Variants in CCDC102A observed in about 807,000 individuals in gnomAD.
CCDC102A encodes coiled-coil domain-containing protein 102A.
CCDC102A carries 40 observed loss-of-function variants against 55.5 expected under a neutral mutation model. That is an observed-to-expected ratio of 0.72 (90% CI 0.56 to 0.94). CCDC102A has a LOEUF of 0.94. Among genes scored for constraint, CCDC102A ranks in the 40% least tolerant of loss-of-function variants. CCDC102A has a pLI of 0.00. For missense variants in CCDC102A, 779 were observed against 768.6 expected (o/e 1.01, Z -0.16); for synonymous variants, 323 against 339.0 (o/e 0.95, Z 0.52).
At position 57,515,327 on chromosome 16, in the gene CCDC102A, T is replaced by G. The variant is rs1245429468; in HGVS notation, c.1523+14A>C. 5.9e-6 allele frequency: 9 copies of G among 1,525,484 alleles called. No homozygotes were observed. Among genetic ancestry groups the G allele is most frequent in the Non-Finnish European group, 8.1e-6 (9 of 1,114,474 alleles). The allele number at this position is 1,525,484 out of a possible 1,614,324, so 94.5% of individuals were successfully genotyped here. A position where few individuals can be genotyped will look rare whatever the true frequency, so the allele number is the denominator to read the frequency against. Reference sequence around the variant, plus strand: ...AAGTCTCTGCCCTGTTTCTGTTCCCTGCCCGGGGCCCACCTGGACTGCAGG... The same window carrying G: ...AAGTCTCTGCCCTGTTTCTGTTCCCGGCCCGGGGCCCACCTGGACTGCAGG... On this transcript the variant is annotated intron_variant, in intron 8 of 8. Transcript: ENST00000258214.
intron 3 of CCDC102A, among the ~76,000 whole-genome samples, chr16:57,525,394 C>T: frequency 6.6e-6 from 1 of 152,228 alleles, no homozygotes; most frequent in East Asian, 1.9e-4. Context: ...AGCCACTGCG[C>T]CTGGCCCAGC....
chr16:57,529,027 G>A lies in CCDC102A; in HGVS notation c.151C>T (p.Pro51Ser), dbSNP rs1316437191. ...GGGGGCAGGGGCAGTGCGGGCGGCG[G>A]CCCGGGCGAGGGCGTGCCGCTGGGC... ...TPPSGTPSPG[P>S]PPALPLPPAP... Residue 51 changes from proline to serine, a missense_variant, in exon 2 of 9, where the codon CCG becomes TCG. By Grantham distance (74) the Pro-to-Ser change is moderately conservative. Coordinates refer to ENST00000258214, the MANE Select transcript of CCDC102A (RefSeq NM_033212.4). This position sits in a 1 kb window ranked among gnomAD's most constrained non-coding sequence, Gnocchi z 4.1. The A allele has an allele frequency of 2.7e-6, 3 of 1,104,254 alleles. No homozygotes were observed. The highest frequency in any genetic ancestry group is 1.7e-5 in the African/African-American group (1 of 58,836). The allele number at this position is 1,104,254 out of a possible 1,614,324, so 68.4% of individuals were successfully genotyped here.
At chr16:57,517,381 C>G (rs1305407890) in intron 6 of CCDC102A, among the ~76,000 whole-genome samples, 1 of 152,182 alleles carries the variant, frequency 6.6e-6, no homozygotes, top group Non-Finnish European at 1.5e-5. Flanking sequence ...CGGAGTTTCT[C>G]TGTCACCCAG....
At chr16:57,536,232 C>T (rs1454846399) in intron 1 of CCDC102A, among the ~76,000 whole-genome samples, 1 of 151,942 alleles carries the variant, frequency 6.6e-6, no homozygotes, top group Non-Finnish European at 1.5e-5. Flanking sequence ...CGGCCCGGGC[C>T]GCGGCATTCC....
At chr16:57,528,284 C>T (rs2032177016) in intron 2 of CCDC102A, among the ~76,000 whole-genome samples, 1 of 152,234 alleles carries the variant, frequency 6.6e-6, no homozygotes, top group African/African-American at 2.4e-5. Flanking sequence ...ATGGATTCGG[C>T]TCTGCTACGA....
In CCDC102A at chr16:57,528,679, C is replaced by T. The variant is rs1337848776; in HGVS notation, c.499G>A (p.Ala167Thr). The T allele has an allele frequency of 6.2e-6, 7 of 1,130,522 alleles. No homozygotes were observed. Among genetic ancestry groups the T allele is most frequent in the Non-Finnish European group, 7.6e-6 (7 of 919,412 alleles). The allele number at this position is 1,130,522 out of a possible 1,614,324, so 70.0% of individuals were successfully genotyped here. A position where few individuals can be genotyped will look rare whatever the true frequency, so the allele number is the denominator to read the frequency against. Residue 167 changes from alanine (A) to threonine (T), a missense_variant, in exon 2 of 9, where the codon GCC becomes ACC. Ala to Thr is a moderately conservative substitution (Grantham distance 58). Transcript: ENST00000258214. Reference sequence around the variant, plus strand: ...TCGGGGCCGTCGCGCGTCTGGTCGGCGACCCCCCGGGCGCCCCTCAGCCGC... The same window carrying T: ...TCGGGGCCGTCGCGCGTCTGGTCGGTGACCCCCCGGGCGCCCCTCAGCCGC... ...LARLRGARGV[A>T]DQTRDGPEPE...
intron 6 of CCDC102A, among the ~76,000 whole-genome samples, chr16:57,517,130 C>T (rs2031969214): frequency 6.6e-6 from 1 of 152,106 alleles, no homozygotes; most frequent in East Asian, 1.9e-4. Flanking sequence ...ACACTCCCCT[C>T]CTGCTTTAAA....
intron 3 of CCDC102A, among the ~76,000 whole-genome samples, chr16:57,525,363 A>G (rs1475608148): frequency 2.0e-5 from 3 of 152,168 alleles, no homozygotes; most frequent in African/African-American, 7.2e-5. Context: ...GGCCTCCCAA[A>G]GTGCTGGGAT....
rs1243098253 is a variant in CCDC102A, at chr16:57,516,847, G to A, written c.1249-384C>T. Among the ~76,000 whole-genome samples, 2 of 152,136 alleles carry A rather than the reference G, an allele frequency of 1.3e-5. No homozygotes were observed. Among genetic ancestry groups the A allele is most frequent in the East Asian group, 1.9e-4 (1 of 5,198 alleles). ...TGGGAATGAGCTAGGCTGGGGAATG[G>A]GTGGGTGTCTCAGAGCCCAGAGTGG... On this transcript the variant is annotated intron_variant, in intron 6 of 8. Transcript: ENST00000258214. This position sits in a 1 kb window ranked among gnomAD's most constrained non-coding sequence, Gnocchi z 4.4.
intron 2 of CCDC102A, among the ~76,000 whole-genome samples, chr16:57,527,936 GC>G (rs1372706609): frequency 1.3e-5 from 2 of 152,150 alleles, no homozygotes; most frequent in African/African-American, 4.8e-5. Context: ...CAGCTGGAAT[GC>G]CTTCGGGCAC....
chr16:57,534,661 T>C (rs1186421586), intron 1 of CCDC102A, among the ~76,000 whole-genome samples: 1 of 152,068 alleles, frequency 6.6e-6, no homozygotes, highest in Non-Finnish European at 1.5e-5. Flanking sequence ...GCGTGATGGA[T>C]GGAAGGTACC....
chr16:57,518,190 T>C lies in CCDC102A; in HGVS notation c.1126A>G (p.Lys376Glu). 1 of 1,612,502 alleles carries C rather than the reference T, an allele frequency of 6.2e-7. No individual in the cohort carries two copies. The highest frequency in any genetic ancestry group is 8.5e-7 in the Non-Finnish European group (1 of 1,179,696). The change falls in exon 6 of 9, where the codon AAG (lysine) becomes GAG (glutamate). Residue 376 changes from lysine to glutamate, a missense_variant. Physicochemically the swap from Lys to Glu is moderately conservative, Grantham distance 56. Transcript: ENST00000258214. Reference protein sequence around the residue: ...TEKLGLERENKKLRAQVGDLE... With the variant: ...TEKLGLERENEKLRAQVGDLE... ...TCTCCGACCTGTGCCCGCAGCTTCT[T>C]GTTCTCCCGCTCAAGGCCCAGTTTC...
chr16:57,518,868 A>G (rs1353130469), intron 4 of CCDC102A, 127 bp from the exon 5 acceptor site: 2 of 671,762 alleles, frequency 3.0e-6, no homozygotes, highest in Non-Finnish European at 5.3e-6. Flanking sequence ...TGGGGCAGGC[A>G]CCAGGTATTC....
In CCDC102A at chr16:57,516,309, G is replaced by A. The variant is rs761795556; in HGVS notation, c.1403C>T (p.Ala468Val). 7 of 1,605,508 alleles carry A rather than the reference G, an allele frequency of 4.4e-6. No individual in the cohort carries two copies. The East Asian group carries it at 1.3e-4, about 31-fold the overall frequency. Reference protein sequence around the residue: ...LRVEELKKELAQAEDELDEAH... With the variant: ...LRVEELKKELVQAEDELDEAH... The stretch of plus-strand genomic sequence containing the variant: ...GGTCCTCACCTCGTCCTCAGCCTGG[G>A]CCAGCTCCTTCTTGAGCTCCTCCAC... The change falls in exon 7 of 9, where the codon GCC becomes GTC. Residue 468 changes from alanine (A) to valine (V), a missense_variant. By Grantham distance (64) the Ala-to-Val change is moderately conservative. Transcript: ENST00000258214. The surrounding 1 kb of genome is among the most constrained non-coding windows in gnomAD (Gnocchi z 4.4).
chr16:57,515,274 G>T, intron 8 of CCDC102A, 67 bp downstream of exon 8: 1 of 1,019,240 alleles, frequency 9.8e-7, no homozygotes, highest in Non-Finnish European at 1.5e-6. Flanking sequence ...TTTGGGCTCC[G>T]TCCCTGACCG....
In CCDC102A at chr16:57,518,217, C is replaced by T. The variant is rs1158617562; in HGVS notation, c.1099G>A (p.Glu367Lys). 6.2e-7 allele frequency: 1 copy of T among 1,612,346 alleles called. No individual in the cohort carries two copies. Among genetic ancestry groups the T allele is most frequent in the African/African-American group, 1.3e-5 (1 of 74,956 alleles). Residue 367 changes from glutamate to lysine, a missense_variant, in exon 6 of 9, where the codon GAG (glutamate) becomes AAG (lysine). Coordinates refer to ENST00000258214, the MANE Select transcript of CCDC102A (RefSeq NM_033212.4). ...EWGRRERLETEKLGLERENKK... is the reference protein window; with the variant it reads ...EWGRRERLETKKLGLERENKK... ...TTCTCCCGCTCAAGGCCCAGTTTCT[C>T]TGTCTCCAGCCGCTCCCGGCGGCCC...
In CCDC102A at chr16:57,515,321, G is replaced by A; in HGVS notation, c.1523+20C>T. The A allele has an allele frequency of 6.8e-7, 1 of 1,479,764 alleles. No homozygotes were observed. The highest frequency in any genetic ancestry group is 2.3e-5 in the East Asian group (1 of 42,986). 91.7% of individuals were successfully genotyped at this position (1,479,764 alleles called of 1,614,324 possible). ...GGCTGGAAGTCTCTGCCCTGTTTCTGTTCCCTGCCCGGGGCCCACCTGGAC... is the reference window on the plus strand; with the variant it reads ...GGCTGGAAGTCTCTGCCCTGTTTCTATTCCCTGCCCGGGGCCCACCTGGAC... On this transcript the variant is annotated intron_variant, in intron 8 of 8. Coordinates refer to ENST00000258214, the MANE Select transcript of CCDC102A (RefSeq NM_033212.4).
chr16:57,525,928 G>A lies in CCDC102A; in HGVS notation c.785C>T (p.Ser262Phe). The stretch of plus-strand genomic sequence containing the variant: ...TCGCTCCTTGAGCAGCACCTTCTGG[G>A]ACTCATCCAGCCGTAGCCGCAGGGC... ...LTALRLRLDE[S>F]QKVLLKERED... Residue 262 changes from serine to phenylalanine, a missense_variant, in exon 3 of 9, where the codon TCC becomes TTC. Ser to Phe is a radical substitution (Grantham distance 155). Transcript: ENST00000258214. The A allele has an allele frequency of 6.2e-7, 1 of 1,612,452 alleles. No homozygotes were observed. The highest frequency in any genetic ancestry group is 8.5e-7 in the Non-Finnish European group (1 of 1,179,504).
In CCDC102A at chr16:57,525,934, T is replaced by A; in HGVS notation, c.779A>T (p.Asp260Val). 1.2e-6 allele frequency: 2 copies of A among 1,612,060 alleles called. No individual in the cohort carries two copies. The highest frequency in any genetic ancestry group is 1.1e-5 in the South Asian group (1 of 90,966). Residue 260 changes from aspartate to valine, a missense_variant, in exon 3 of 9, where the codon GAT (aspartate) becomes GTT (valine). By Grantham distance (152) the Asp-to-Val change is radical (BLOSUM62 -3). Transcript: ENST00000258214. ...CTTGAGCAGCACCTTCTGGGACTCA[T>A]CCAGCCGTAGCCGCAGGGCGGTCAA... ...SKLTALRLRL[D>V]ESQKVLLKER...
Sources: gnomAD v4.1 joint callset for allele counts (sites outside exome capture counted in the v4.1 genomes callset) on GRCh38, gnomAD v4.1.1 for gene constraint, Gnocchi (gnomAD v3.1) non-coding constraint, MANE v1.5 for transcripts, NCBI Gene and HGNC (gene_info 2026-07-23, HGNC 2026-07-21) for gene names.